The following NR6A1 variants were observed in gnomAD, a reference collection of about 807,000 sequenced individuals.
NR6A1 encodes the protein nuclear receptor subfamily 6 group A member 1.
In NR6A1, 7 loss-of-function variants were observed where a neutral mutation model predicts 59.1. The observed-to-expected ratio is 0.12, with a 90% CI of 0.07 to 0.22. The LOEUF is 0.22. Among genes scored for constraint, NR6A1 ranks in the 10% least tolerant of loss-of-function variants. The pLI is 1.00. For synonymous variants in NR6A1, 243 were observed against 236.1 expected (o/e 1.03, Z -0.27); for missense variants, 468 against 611.6 (o/e 0.77, Z 2.48).
chr9:124,727,318 G>GA (rs1173431946), intron 2 of NR6A1, among the ~76,000 whole-genome samples: 2 of 152,194 alleles, frequency 1.3e-5, no homozygotes, highest in Admixed American at 6.5e-5. Flanking sequence ...GGAGAAGAGT[G>GA]AAATTTGTTT....
intron 2 of NR6A1, among the ~76,000 whole-genome samples, chr9:124,678,353 C>T (rs966306145): frequency 1.3e-5 from 2 of 152,188 alleles, no homozygotes; most frequent in African/African-American, 4.8e-5. Flanking sequence ...CATCACCCTT[C>T]GTTAACTGTA....
intron 2 of NR6A1, among the ~76,000 whole-genome samples, chr9:124,567,918 G>T (rs1283771630): frequency 7.0e-6 from 1 of 143,286 alleles, no homozygotes; most frequent in African/African-American, 2.6e-5. Flanking sequence ...GCTCATGCCT[G>T]TAATCCCAGA....
chr9:124,614,977 TG>T (rs1835847572), intron 2 of NR6A1, among the ~76,000 whole-genome samples: 1 of 152,184 alleles, frequency 6.6e-6, no homozygotes, highest in Admixed American at 6.5e-5. Flanking sequence ...AGCCTGGTAT[TG>T]CTCTTTTAAT....
chr9:124,753,834 G>T (rs1840570527), intron 1 of NR6A1, among the ~76,000 whole-genome samples: 1 of 152,076 alleles, frequency 6.6e-6, no homozygotes, highest in Non-Finnish European at 1.5e-5. Context: ...AACCTCCAGG[G>T]ACCTAGCCTT....
At chr9:124,607,681 A>G (rs1835612763) in intron 2 of NR6A1, among the ~76,000 whole-genome samples, 1 of 152,180 alleles carries the variant, frequency 6.6e-6, no homozygotes, top group Admixed American at 6.5e-5. Context: ...AAAAATGTTC[A>G]ACACAATGCC....
At position 124,633,428 on chromosome 9, in the gene NR6A1, T is replaced by C. The variant is rs565688111; in HGVS notation, c.143-78858A>G. On this transcript the variant is annotated intron_variant, in intron 2 of 9. Coordinates refer to ENST00000487099, the MANE Select transcript of NR6A1 (RefSeq NM_033334.4). ...AAAAAAAAAAAAAAAAAAAAAAAGT[T>C]AGTGATATGAAGATCACAAGGTAGG... 5.1e-4 allele frequency among the ~76,000 whole-genome samples: 73 copies of C among 143,236 alleles called. 1 individual carries two copies. In the South Asian group the frequency reaches 0.016, roughly 31 times the overall value. The allele number at this position is 143,236 out of a possible 152,430, so 94.0% of individuals were successfully genotyped here.
chr9:124,538,806 A>T (rs1356421567), intron 5 of NR6A1, among the ~76,000 whole-genome samples: 1 of 152,088 alleles, frequency 6.6e-6, no homozygotes, highest in East Asian at 1.9e-4. Context: ...ACGAAGGGGC[A>T]CCTGAATGGG....
At chr9:124,632,219 T>G (rs1836466470) in intron 2 of NR6A1, among the ~76,000 whole-genome samples, 2 of 152,190 alleles carry the variant, frequency 1.3e-5, no homozygotes, top group South Asian at 4.1e-4. Flanking sequence ...GGTGTTACTG[T>G]ATCTAGGTCT....
chr9:124,658,639 T>C (rs1044912084), intron 2 of NR6A1: 3 of 152,238 alleles, frequency 2.0e-5, no homozygotes, highest in Non-Finnish European at 4.4e-5. Flanking sequence ...CTTTTTTGAT[T>C]GTCGTTGCTG....
At chr9:124,670,689 A>C (rs1234506818) in intron 2 of NR6A1, among the ~76,000 whole-genome samples, 1 of 152,232 alleles carries the variant, frequency 6.6e-6, no homozygotes, top group Non-Finnish European at 1.5e-5. Flanking sequence ...GGTGTGTTTA[A>C]GAGCAGTGAG....
chr9:124,522,771 C>G lies in NR6A1; in HGVS notation c.1377G>C (p.Leu459=). The G allele has an allele frequency of 1.3e-6, 2 of 1,592,128 alleles. No individual in the cohort carries two copies. The highest frequency in any genetic ancestry group is 1.7e-6 in the Non-Finnish European group (2 of 1,169,298). ...YIAGKMVNVP[L]EQLPLLFKVV... is the part of the protein sequence containing the mutation. ...CCTTAAAGAGGAGGGGCAGCTGCTC[C>G]AGGGGCACATTCACCATCTTTCCTG... is the stretch of plus-strand genomic sequence containing the variant. Residue 459 remains leucine, a synonymous_variant, in exon 10 of 10, where the codon CTG becomes CTC. Coordinates refer to ENST00000487099, the MANE Select transcript of NR6A1 (RefSeq NM_033334.4).
chr9:124,750,253 A>G (rs1840456749), intron 1 of NR6A1, among the ~76,000 whole-genome samples: 1 of 152,224 alleles, frequency 6.6e-6, no homozygotes. Context: ...CCTAAAAGGC[A>G]TTAAGGATCA....
intron 2 of NR6A1, among the ~76,000 whole-genome samples, chr9:124,715,678 T>C (rs1588822175): frequency 6.6e-6 from 1 of 152,042 alleles, no homozygotes; most frequent in Non-Finnish European, 1.5e-5. Context: ...AAAGTTGATA[T>C]GCTAATTCTG....
At chr9:124,668,175 G>C (rs1273964928) in intron 2 of NR6A1, among the ~76,000 whole-genome samples, 2 of 152,088 alleles carry the variant, frequency 1.3e-5, no homozygotes, top group Admixed American at 6.5e-5. Context: ...CTAGAGAAAA[G>C]AAAATGTTAT....
chr9:124,608,091 T>G lies in NR6A1; in HGVS notation c.143-53521A>C, dbSNP rs540577974. On this transcript the variant is annotated intron_variant, in intron 2 of 9. Coordinates refer to ENST00000487099, the MANE Select transcript of NR6A1 (RefSeq NM_033334.4). ...ATAAATAAAAAAAATAATTTCGTGC[T>G]TAGGAGGAAAAATGACAACCAGAAA... Among the ~76,000 whole-genome samples, 175 of 152,164 alleles carry G rather than the reference T, an allele frequency of 1.2e-3. 1 individual carries two copies. Among genetic ancestry groups the G allele is most frequent in the African/African-American group, 3.8e-3 (159 of 41,512 alleles).
At chr9:124,592,230 T>C (rs1835146477) in intron 2 of NR6A1, among the ~76,000 whole-genome samples, 1 of 152,106 alleles carries the variant, frequency 6.6e-6, no homozygotes, top group Non-Finnish European at 1.5e-5. Flanking sequence ...AGGACTTTTA[T>C]GGCTTTTCCT....
chr9:124,742,421 T>C (rs1840198264), intron 1 of NR6A1, among the ~76,000 whole-genome samples: 1 of 150,836 alleles, frequency 6.6e-6, no homozygotes, highest in Non-Finnish European at 1.5e-5. Context: ...ATTAGCCGGG[T>C]GTGGTGGCGC....
chr9:124,725,533 T>A (rs1421663709), intron 2 of NR6A1, among the ~76,000 whole-genome samples: 1 of 152,218 alleles, frequency 6.6e-6, no homozygotes, highest in African/African-American at 2.4e-5. Context: ...AGCAACGAAG[T>A]ATTTCCTGTT....
intron 2 of NR6A1, among the ~76,000 whole-genome samples, chr9:124,651,770 C>T (rs116722193): frequency 0.01 from 1,547 of 152,206 alleles, 26 homozygotes; most frequent in African/African-American, 0.034. Context: ...GCATTAACAC[C>T]GGACTAGTCT....
Sources: allele counts gnomAD v4.1 joint callset (sites outside exome capture counted in the v4.1 genomes callset), GRCh38; gene constraint gnomAD v4.1.1; transcripts MANE v1.5; gene names NCBI Gene and HGNC (gene_info 2026-07-23, HGNC 2026-07-21).